Variants in CNBD1 observed in about 807,000 individuals in gnomAD.
CNBD1 encodes the protein cyclic nucleotide binding domain containing 1.
Under a neutral mutation model 54.4 loss-of-function variants are expected in CNBD1, and 71 were observed. The ratio of observed to expected loss-of-function variants is 1.30; its 90% CI spans 1.08 to 1.59. The LOEUF is 1.59. Among genes scored for constraint, CNBD1 ranks in the 40% most tolerant of loss-of-function variants. The pLI, the probability that CNBD1 is intolerant of heterozygous loss-of-function variation, is 0.00. For missense variants in CNBD1, 659 were observed against 518.0 expected (o/e 1.27, Z -2.64); for synonymous variants, 182 against 170.7 (o/e 1.07, Z -0.51).
intron 4 of CNBD1, among the ~76,000 whole-genome samples, chr8:87,005,364 C>G (rs1040613420): frequency 6.7e-6 from 1 of 149,930 alleles, no homozygotes; most frequent in African/African-American, 2.5e-5. Flanking sequence ...AGCGAGACTC[C>G]GTCTCAAAAA....
chr8:87,156,756 A>T (rs1812751617), intron 4 of CNBD1, among the ~76,000 whole-genome samples: 1 of 152,132 alleles, frequency 6.6e-6, no homozygotes, highest in Non-Finnish European at 1.5e-5. Flanking sequence ...CAGGGCTCTC[A>T]TTCTCTTATT....
intron 10 of CNBD1, among the ~76,000 whole-genome samples, chr8:87,364,276 T>G (rs1006879636): frequency 6.6e-6 from 1 of 151,672 alleles, no homozygotes; most frequent in Non-Finnish European, 1.5e-5. Context: ...AAGATAACAT[T>G]ACTCAGAAAA....
At chr8:87,026,204 C>A (rs970003260) in intron 4 of CNBD1, among the ~76,000 whole-genome samples, 1 of 152,008 alleles carries the variant, frequency 6.6e-6, no homozygotes, top group Non-Finnish European at 1.5e-5. Context: ...ATGGGAGGAC[C>A]AAATTCTGTC....
intron 5 of CNBD1, among the ~76,000 whole-genome samples, chr8:87,227,102 C>T (rs1255932163): frequency 6.6e-6 from 1 of 152,078 alleles, no homozygotes; most frequent in Non-Finnish European, 1.5e-5. Context: ...GGTAGATCTT[C>T]CTCCATCCTT....
intron 8 of CNBD1, among the ~76,000 whole-genome samples, chr8:87,349,490 C>T (rs907272128): frequency 6.6e-6 from 1 of 152,152 alleles, no homozygotes; most frequent in Non-Finnish European, 1.5e-5. Context: ...ATTCCCCTGC[C>T]TCAGCCTTCC....
At chr8:87,137,173 T>C (rs1563482998) in intron 4 of CNBD1, among the ~76,000 whole-genome samples, 1 of 138,686 alleles carries the variant, frequency 7.2e-6, no homozygotes, top group African/African-American at 2.7e-5. Context: ...ATTATATATA[T>C]TATATTTTTA....
Position 87,335,720 on chromosome 8 carries a change from G to A in CNBD1, c.1043-15965G>A, listed in dbSNP as rs530704094. Among the ~76,000 whole-genome samples the A allele has an allele frequency of 7.2e-5, 11 of 152,254 alleles. No homozygotes were observed. The South Asian group carries it at 2.3e-3, about 32-fold the overall frequency. ...CTTATTTACATTTAAGGTTAATATG[G>A]TTATGTGTGAATTTTATCATGTCGT... On this transcript the variant is annotated intron_variant, in intron 8 of 10. Coordinates refer to ENST00000518476, the MANE Select transcript of CNBD1 (RefSeq NM_173538.3).
intron 2 of CNBD1, among the ~76,000 whole-genome samples, chr8:86,899,354 A>G (rs1028074828): frequency 2.0e-5 from 3 of 152,112 alleles, no homozygotes; most frequent in African/African-American, 7.2e-5. Context: ...GGGTAACTAT[A>G]TGAAATGATG....
At chr8:87,048,205 C>T (rs1366475140) in intron 4 of CNBD1, among the ~76,000 whole-genome samples, 1 of 152,016 alleles carries the variant, frequency 6.6e-6, no homozygotes, top group Non-Finnish European at 1.5e-5. Flanking sequence ...AAGGGCAGTC[C>T]TATTTCTTGG....
At chr8:87,009,704 G>A (rs942687773) in intron 4 of CNBD1, among the ~76,000 whole-genome samples, 1 of 152,090 alleles carries the variant, frequency 6.6e-6, no homozygotes, top group Non-Finnish European at 1.5e-5. Context: ...GCATTTCTAT[G>A]ACTTAATATG....
rs188734005 is a variant in CNBD1, at chr8:87,428,133, A to T, written c.214-413A>T. On this transcript the variant is annotated intron_variant, in intron 2 of 7. Transcript: ENST00000521593. Reference sequence around the variant, plus strand: ...CTTAGGAGCATAAGATCCTCCCCCAACCAAAAAAAAGGCAAAAAAAGAAAA... The same window carrying T: ...CTTAGGAGCATAAGATCCTCCCCCATCCAAAAAAAAGGCAAAAAAAGAAAA... 1.1e-4 allele frequency among the ~76,000 whole-genome samples: 16 copies of T among 149,222 alleles called. No homozygotes were observed. In the East Asian group the frequency reaches 2.7e-3, roughly 25 times the overall value.
At chr8:87,188,692 A>C (rs1470765669) in intron 4 of CNBD1, among the ~76,000 whole-genome samples, 2 of 151,692 alleles carry the variant, frequency 1.3e-5, no homozygotes, top group African/African-American at 2.4e-5. Flanking sequence ...TGCCACTACA[A>C]GATCACGATG....
chr8:86,906,494 A>C (rs62528027), intron 3 of CNBD1, among the ~76,000 whole-genome samples: 1 of 51,020 alleles, frequency 2.0e-5, no homozygotes, highest in South Asian at 4.7e-4. Flanking sequence ...ATGTACATAC[A>C]TCTGGAATGA....
At chr8:87,269,047 T>C (rs1724913967) in intron 6 of CNBD1, among the ~76,000 whole-genome samples, 1 of 152,082 alleles carries the variant, frequency 6.6e-6, no homozygotes, top group Non-Finnish European at 1.5e-5. Flanking sequence ...AGGGTTTGTA[T>C]TGTTTTAGGT....
intron 4 of CNBD1, among the ~76,000 whole-genome samples, chr8:87,159,810 C>T (rs1249184770): frequency 6.6e-6 from 1 of 152,110 alleles, no homozygotes; most frequent in Non-Finnish European, 1.5e-5. Context: ...TTATTCCTGG[C>T]TGTTGGGAGC....
chr8:86,980,520 G>C (rs1247338535), intron 4 of CNBD1, among the ~76,000 whole-genome samples: 4 of 152,180 alleles, frequency 2.6e-5, no homozygotes, highest in Non-Finnish European at 5.9e-5. Flanking sequence ...TGAATACACA[G>C]TTTGATAGAG....
At chr8:86,871,575 A>G (rs992538544) in intron 1 of CNBD1, among the ~76,000 whole-genome samples, 1 of 152,222 alleles carries the variant, frequency 6.6e-6, no homozygotes, top group Non-Finnish European at 1.5e-5. Flanking sequence ...CTTGTGTTCT[A>G]GATCTCATTC....
intron 4 of CNBD1, among the ~76,000 whole-genome samples, chr8:86,956,513 G>T (rs1807774901): frequency 6.6e-6 from 1 of 152,172 alleles, no homozygotes; most frequent in Non-Finnish European, 1.5e-5. Flanking sequence ...TCACTGAGCA[G>T]TGGTTTGTAG....
chr8:87,428,512 G>C (rs566497783), intron 2 of CNBD1: 1 of 405,926 alleles, frequency 2.5e-6, no homozygotes, highest in Non-Finnish European at 4.9e-6. Flanking sequence ...ATTTTTTTAT[G>C]ATATTCTAAG....
Sources: allele counts gnomAD v4.1 joint callset (sites outside exome capture counted in the v4.1 genomes callset), GRCh38; gene constraint gnomAD v4.1.1; transcripts MANE v1.5; gene names NCBI Gene and HGNC (gene_info 2026-07-23, HGNC 2026-07-21).